Variants in PCDH15 observed in about 807,000 individuals in gnomAD.
PCDH15 encodes protocadherin related 15, also known as protocadherin-15.
In PCDH15, 129 loss-of-function variants were observed where a neutral mutation model predicts 178.5. That is an observed-to-expected ratio of 0.72 (90% CI 0.63 to 0.84). The LOEUF (loss-of-function observed/expected upper bound fraction) is 0.84. PCDH15 is among the 40% of genes least tolerant of loss of function. PCDH15 has a pLI of 0.00. For synonymous variants in PCDH15, 800 were observed against 732.0 expected, an observed-to-expected ratio of 1.09 and a Z score of -1.50; for missense variants, 2,230 against 2,099.9, an observed-to-expected ratio of 1.06 and a Z score of -1.21.
chr10:53,937,647 A>G (rs2085693376), intron 25 of PCDH15, among the ~76,000 whole-genome samples: 1 of 152,176 alleles, frequency 6.6e-6, no homozygotes, highest in Admixed American at 6.5e-5. Context: ...CAAGGAACTG[A>G]GCAGCTCTCT....
At chr10:54,105,599 T>C (rs916254875) in intron 15 of PCDH15, among the ~76,000 whole-genome samples, 2 of 152,020 alleles carry the variant, frequency 1.3e-5, no homozygotes, top group African/African-American at 4.8e-5. Flanking sequence ...TATTTTCTGA[T>C]TAGATGGTGC....
chr10:53,818,048 A>G, intron 33 of PCDH15, 35 bp from the exon 34 acceptor site: 2 of 398,382 alleles, frequency 5.0e-6, no homozygotes, highest in Non-Finnish European at 8.9e-6. Flanking sequence ...AGTATTAAAC[A>G]TCTTAGATTT....
chr10:54,176,742 A>G (rs1160344720), intron 13 of PCDH15, among the ~76,000 whole-genome samples: 1 of 152,164 alleles, frequency 6.6e-6, no homozygotes, highest in Admixed American at 6.5e-5. Context: ...TGAAATAGCC[A>G]GATTGCCCAA....
chr10:54,870,703 G>A (rs1274540780), intron 3 of PCDH15, among the ~76,000 whole-genome samples: 1 of 151,734 alleles, frequency 6.6e-6, no homozygotes, highest in Non-Finnish European at 1.5e-5. Flanking sequence ...GAAGAATGGC[G>A]TGAACCCGGG....
intron 2 of PCDH15, among the ~76,000 whole-genome samples, chr10:54,575,556 TATATCAGAATG>T (rs1469700848): frequency 2.6e-5 from 4 of 152,036 alleles, no homozygotes; most frequent in Non-Finnish European, 4.4e-5. Context: ...TATTTCCATC[TATATCAGAATG>T]ATATCTAGAT....
chr10:54,076,447 A>G (rs1590263407), intron 17 of PCDH15, among the ~76,000 whole-genome samples: 1 of 152,080 alleles, frequency 6.6e-6, no homozygotes, highest in Admixed American at 6.5e-5. Context: ...TCCTTTTCAA[A>G]TTGGATCTTT....
chr10:54,060,380 A>G (rs1021581522), intron 18 of PCDH15, among the ~76,000 whole-genome samples: 1 of 152,198 alleles, frequency 6.6e-6, no homozygotes. Flanking sequence ...TCGAAAAATC[A>G]TAAACAATTG....
At chr10:54,001,016 C>T (rs2092107665) in intron 20 of PCDH15, among the ~76,000 whole-genome samples, 2 of 151,736 alleles carry the variant, frequency 1.3e-5, no homozygotes, top group Non-Finnish European at 2.9e-5. Context: ...ACCTTACAGG[C>T]CAAGAGAGAG....
At chr10:55,209,736 A>C (rs1363280910) in intron 1 of PCDH15, among the ~76,000 whole-genome samples, 1 of 152,084 alleles carries the variant, frequency 6.6e-6, no homozygotes, top group Admixed American at 6.6e-5. Flanking sequence ...GAGAGATTAT[A>C]AATTATGTTT....
intron 2 of PCDH15, among the ~76,000 whole-genome samples, chr10:55,146,795 G>A (rs1838525040): frequency 1.3e-5 from 2 of 151,654 alleles, no homozygotes; most frequent in Admixed American, 1.3e-4. Flanking sequence ...ATTTATTATT[G>A]ACTAAAAAAC....
At chr10:55,186,763 T>C (rs938213490) in intron 1 of PCDH15, among the ~76,000 whole-genome samples, 1 of 139,418 alleles carries the variant, frequency 7.2e-6, no homozygotes, top group Non-Finnish European at 1.6e-5. Context: ...GTGTGTGTAT[T>C]TTTTTTTCCT....
intron 2 of PCDH15, among the ~76,000 whole-genome samples, chr10:54,919,122 T>A (rs1837419059): frequency 6.6e-6 from 1 of 152,200 alleles, no homozygotes; most frequent in African/African-American, 2.4e-5. Flanking sequence ...TCTGCATAAT[T>A]GTTTCAGTGT....
intron 2 of PCDH15, among the ~76,000 whole-genome samples, chr10:54,980,998 G>A (rs1839220079): frequency 6.6e-6 from 1 of 151,844 alleles, no homozygotes; most frequent in African/African-American, 2.4e-5. Flanking sequence ...AAGTTCATTT[G>A]GGCCACTTTG....
At chr10:54,257,439 C>T (rs1241480713) in intron 8 of PCDH15, among the ~76,000 whole-genome samples, 1 of 112,350 alleles carries the variant, frequency 8.9e-6, no homozygotes, top group Admixed American at 1.2e-4. Context: ...AGTCAAATGA[C>T]ATCTCAATCC....
chr10:54,673,843 T>C (rs570058507), intron 1 of PCDH15, among the ~76,000 whole-genome samples: 1 of 152,324 alleles, frequency 6.6e-6, no homozygotes, highest in African/African-American at 2.4e-5. Flanking sequence ...ATATTTGTTT[T>C]CTATATAGCT....
At chr10:55,366,135 G>A (rs1406448781) in intron 2 of PCDH15, 3 of 152,110 alleles carry the variant, frequency 2.0e-5, no homozygotes, top group South Asian at 2.1e-4. Context: ...ACTGAAATAC[G>A]GACTGCATGC....
At chr10:55,043,870 A>G (rs1470411518) in intron 2 of PCDH15, among the ~76,000 whole-genome samples, 1 of 152,148 alleles carries the variant, frequency 6.6e-6, no homozygotes, top group Non-Finnish European at 1.5e-5. Flanking sequence ...GAAGGGGAGC[A>G]GAAAAGAAGA....
chr10:55,491,877 G>A (rs563910694), intron 2 of PCDH15, among the ~76,000 whole-genome samples: 2 of 151,650 alleles, frequency 1.3e-5, no homozygotes, highest in South Asian at 4.2e-4. Flanking sequence ...CAGTGTTTGA[G>A]AAGGCTGTGC....
chr10:54,263,219 G>A (rs764030664), intron 8 of PCDH15, among the ~76,000 whole-genome samples: 3 of 152,112 alleles, frequency 2.0e-5, no homozygotes, highest in Non-Finnish European at 4.4e-5. Context: ...GGAGAGTTGT[G>A]TCCCTAGAGA....
Sources: gnomAD v4.1 joint callset for allele counts (sites outside exome capture counted in the v4.1 genomes callset) on GRCh38, gnomAD v4.1.1 for gene constraint, MANE v1.5 for transcripts, NCBI Gene and HGNC (gene_info 2026-07-23, HGNC 2026-07-21) for gene names.